The following TBC1D5 variants were observed in gnomAD, a reference collection of about 807,000 sequenced individuals.
The protein encoded by TBC1D5 is TBC1 domain family member 5.
Under a neutral mutation model 100.3 loss-of-function variants are expected in TBC1D5, and 75 were observed. The ratio of observed to expected loss-of-function variants is 0.75; its 90% CI spans 0.62 to 0.91. The LOEUF is 0.91. Among genes scored for constraint, TBC1D5 ranks in the 40% least tolerant of loss-of-function variants. The probability of loss-of-function intolerance (pLI) is 0.00; values close to 1 mark genes in which losing one functional copy is unlikely to be tolerated. For synonymous variants in TBC1D5, 323 were observed against 325.6 expected, an observed-to-expected ratio of 0.99 and a Z score of 0.09; for missense variants, 910 against 942.4, an observed-to-expected ratio of 0.97 and a Z score of 0.45.
chr3:17,491,089 T>C (rs1280145926), intron 3 of TBC1D5, among the ~76,000 whole-genome samples: 3 of 152,170 alleles, frequency 2.0e-5, no homozygotes, highest in Non-Finnish European at 4.4e-5. Flanking sequence ...TGGGAGTTCA[T>C]TCATGATTTG....
chr3:17,632,723 C>T (rs1417450858), intron 1 of TBC1D5, among the ~76,000 whole-genome samples: 1 of 152,144 alleles, frequency 6.6e-6, no homozygotes, highest in Non-Finnish European at 1.5e-5. Context: ...CTGAGATGAT[C>T]GTTCACATTT....
intron 18 of TBC1D5, among the ~76,000 whole-genome samples, chr3:17,206,632 A>C (rs2072223406): frequency 6.6e-6 from 1 of 152,188 alleles, no homozygotes; most frequent in South Asian, 2.1e-4. Context: ...CAGGGGTCAT[A>C]AAGACACAGG....
At chr3:17,222,617 A>G (rs1559439254) in intron 17 of TBC1D5, among the ~76,000 whole-genome samples, 1 of 152,284 alleles carries the variant, frequency 6.6e-6, no homozygotes, top group Middle Eastern at 3.4e-3. Context: ...TCTGATGTCT[A>G]TCTGATGATT....
chr3:17,569,015 C>A (rs2096610104), intron 2 of TBC1D5, among the ~76,000 whole-genome samples: 1 of 151,722 alleles, frequency 6.6e-6, no homozygotes, highest in African/African-American at 2.4e-5. Flanking sequence ...TTTAAAGATG[C>A]CTTGTAATTA....
At chr3:17,594,909 G>A (rs1414097435) in intron 2 of TBC1D5, among the ~76,000 whole-genome samples, 1 of 152,188 alleles carries the variant, frequency 6.6e-6, no homozygotes, top group Non-Finnish European at 1.5e-5. Context: ...TTGATCCTGG[G>A]TGTGTCTGCA....
At chr3:17,625,095 G>C (rs2062946235) in intron 1 of TBC1D5, among the ~76,000 whole-genome samples, 1 of 151,998 alleles carries the variant, frequency 6.6e-6, no homozygotes, top group Non-Finnish European at 1.5e-5. Flanking sequence ...AAGCAGGGAA[G>C]TCACACAATA....
chr3:17,733,499 G>GT (rs2076730071), intron 1 of TBC1D5, among the ~76,000 whole-genome samples: 1 of 152,126 alleles, frequency 6.6e-6, no homozygotes, highest in African/African-American at 2.4e-5. Context: ...CTTGGGGGGG[G>GT]TGGAGCTAGA....
rs916086041 is a variant in TBC1D5 at position 17,236,863 on chromosome 3, A to G, written c.1588+1300T>C. On this transcript the variant is annotated intron_variant, in intron 17 of 21. Coordinates refer to ENST00000253692, the Ensembl canonical transcript of TBC1D5. ...AATCTAGTATTTTACATAGGCAAATAAAAATTAAATAGAAGAATAACATGA... is the reference window on the plus strand; with the variant it reads ...AATCTAGTATTTTACATAGGCAAATGAAAATTAAATAGAAGAATAACATGA... Among the ~76,000 whole-genome samples, 4 of 152,326 alleles carry G rather than the reference A, an allele frequency of 2.6e-5. No individual in the cohort carries two copies. The East Asian group carries it at 5.8e-4, about 22-fold the overall frequency.
At chr3:17,336,705 T>C (rs1362548758) in intron 13 of TBC1D5, among the ~76,000 whole-genome samples, 2 of 146,566 alleles carry the variant, frequency 1.4e-5, no homozygotes, top group Non-Finnish European at 3.0e-5. Flanking sequence ...AAATGTAGCA[T>C]CACTGAAAAA....
intron 18 of TBC1D5, among the ~76,000 whole-genome samples, chr3:17,203,529 T>C (rs928855554): frequency 2.6e-5 from 4 of 152,070 alleles, no homozygotes; most frequent in African/African-American, 9.7e-5. Flanking sequence ...GATAATATGG[T>C]TTGGATTTCT....
At chr3:17,698,893 A>G (rs2072632923) in intron 1 of TBC1D5, among the ~76,000 whole-genome samples, 1 of 134,960 alleles carries the variant, frequency 7.4e-6, no homozygotes, top group East Asian at 2.7e-4. Flanking sequence ...TCAGGAAACA[A>G]CAGGTGCTGG....
chr3:17,162,226 G>A (rs969341931), intron 21 of TBC1D5, among the ~76,000 whole-genome samples: 1 of 152,200 alleles, frequency 6.6e-6, no homozygotes, highest in African/African-American at 2.4e-5. Flanking sequence ...GTCTCGTGCT[G>A]GGGTCTCAAG....
chr3:17,511,456 A>G (rs1440589116), intron 2 of TBC1D5, among the ~76,000 whole-genome samples: 1 of 151,994 alleles, frequency 6.6e-6, no homozygotes, highest in Non-Finnish European at 1.5e-5. Context: ...TACATAAATA[A>G]ATGACTTTTG....
chr3:17,590,525 C>T (rs928904925), intron 2 of TBC1D5, among the ~76,000 whole-genome samples: 2 of 152,214 alleles, frequency 1.3e-5, no homozygotes, highest in African/African-American at 4.8e-5. Context: ...CTCATCCCAA[C>T]TGGGAGGGTC....
At chr3:17,606,420 C>G (rs1381460808) in intron 2 of TBC1D5, among the ~76,000 whole-genome samples, 1 of 152,104 alleles carries the variant, frequency 6.6e-6, no homozygotes, top group African/African-American at 2.4e-5. Context: ...GCACTCCAGT[C>G]TGGGCAACAG....
At position 17,690,933 on chromosome 3, in the gene TBC1D5, A is replaced by T. The variant is rs1373161260; in HGVS notation, c.-101+48410T>A. 2.0e-5 allele frequency among the ~76,000 whole-genome samples: 3 copies of T among 152,226 alleles called. No homozygotes were observed. In the East Asian group the frequency reaches 5.8e-4, roughly 29 times the overall value. The stretch of plus-strand genomic sequence containing the variant: ...AAAGCTAGATATCTTGAGACTATTC[A>T]AATCTAACTTTAAAACAGAGGAAAA... On this transcript the variant is annotated intron_variant, in intron 1 of 21. Transcript: ENST00000253692.
chr3:17,363,356 C>T (rs933532310), intron 13 of TBC1D5, among the ~76,000 whole-genome samples: 18 of 152,036 alleles, frequency 1.2e-4, no homozygotes, highest in Non-Finnish European at 2.4e-4. Context: ...CCTATTGCCT[C>T]CTAAATGATT....
intron 19 of TBC1D5, among the ~76,000 whole-genome samples, chr3:17,178,222 C>A (rs183685792): frequency 1.6e-4 from 24 of 152,146 alleles, no homozygotes; most frequent in Non-Finnish European, 3.4e-4. Context: ...CCCACCACCA[C>A]GCCTGGCTAA....
At chr3:17,542,995 C>T (rs545842023) in intron 2 of TBC1D5, among the ~76,000 whole-genome samples, 7 of 152,208 alleles carry the variant, frequency 4.6e-5, no homozygotes, top group African/African-American at 1.7e-4. Context: ...TAGAATATTA[C>T]ACATAGAATT....
Sources: allele counts gnomAD v4.1 joint callset (sites outside exome capture counted in the v4.1 genomes callset), GRCh38; gene constraint gnomAD v4.1.1; transcripts MANE v1.5; gene names NCBI Gene and HGNC (gene_info 2026-07-23, HGNC 2026-07-21).